DYNC1I1: variants seen among roughly 807,000 people sequenced by gnomAD.
DYNC1I1 encodes the protein dynein cytoplasmic 1 intermediate chain 1, also known as cytoplasmic dynein 1 intermediate chain 1.
In DYNC1I1, 43 loss-of-function variants were observed where a neutral mutation model predicts 86.6. The observed-to-expected ratio is 0.50, with a 90% confidence interval of 0.39 to 0.64. DYNC1I1 has a LOEUF of 0.64. DYNC1I1 is among the 30% of genes least tolerant of loss of function. The probability of loss-of-function intolerance (pLI) is 0.00; values close to 1 mark genes in which losing one functional copy is unlikely to be tolerated. For missense variants in DYNC1I1, 604 were observed against 788.8 expected, an observed-to-expected ratio of 0.77 and a Z score of 2.81; for synonymous variants, 262 against 283.7, an observed-to-expected ratio of 0.92 and a Z score of 0.77.
chr7:96,059,557 A>G (rs1789700856), intron 14 of DYNC1I1, among the ~76,000 whole-genome samples: 1 of 152,192 alleles, frequency 6.6e-6, no homozygotes, highest in Admixed American at 6.5e-5. Context: ...GAATCCATAA[A>G]AAATGAGGAC....
At chr7:95,989,884 G>A (rs149446674) in intron 9 of DYNC1I1, among the ~76,000 whole-genome samples, 6 of 152,230 alleles carry the variant, frequency 3.9e-5, no homozygotes, top group Non-Finnish European at 8.8e-5. Flanking sequence ...CAAAGGACCA[G>A]GATTACATAC....
rs146903621 is a variant in DYNC1I1, at chr7:95,989,817, C to T, written c.843+2662C>T. On this transcript the variant is annotated intron_variant, in intron 9 of 16. Transcript: ENST00000447467. ...TTTGAAAAATGTGTTGTATATGAGG[C>T]GTAAGAAAAAGAGATTAGAACCCTC... Among the ~76,000 whole-genome samples, 8 of 152,194 alleles carry T rather than the reference C, an allele frequency of 5.3e-5. No individual in the cohort carries two copies. The East Asian group carries it at 5.8e-4, about 11-fold the overall frequency.
intron 14 of DYNC1I1, among the ~76,000 whole-genome samples, chr7:96,073,324 G>T (rs1192761234): frequency 6.6e-6 from 1 of 152,074 alleles, no homozygotes; most frequent in Non-Finnish European, 1.5e-5. Context: ...ATAAGAAACT[G>T]GGTTTTGGTA....
intron 1 of DYNC1I1, among the ~76,000 whole-genome samples, chr7:95,779,008 C>T (rs1002221078): frequency 2.6e-5 from 4 of 152,048 alleles, no homozygotes; most frequent in African/African-American, 9.7e-5. Flanking sequence ...GAGCAATTGT[C>T]TTCTCCAGGG....
chr7:95,813,262 C>G lies in DYNC1I1; in HGVS notation c.239C>G (p.Ser80Cys), dbSNP rs990703133. Reference protein sequence around the residue: ...PEPPLVPTPMSPSSKSVSTPS... With the variant: ...PEPPLVPTPMCPSSKSVSTPS... ...CATTATTTAGTCCCAACCCCTATGTCTCCCTCCTCGAAATCAGTGAGCACT... is the reference window on the plus strand; with the variant it reads ...CATTATTTAGTCCCAACCCCTATGTGTCCCTCCTCGAAATCAGTGAGCACT... The change falls in exon 4 of 17, where the codon TCT becomes TGT. Residue 80 changes from serine (S) to cysteine (C), a missense_variant. Transcript: ENST00000447467. 1.9e-6 allele frequency: 3 copies of G among 1,613,092 alleles called. No individual in the cohort carries two copies. Among genetic ancestry groups the G allele is most frequent in the Non-Finnish European group, 2.5e-6 (3 of 1,179,562 alleles).
chr7:96,069,916 C>T (rs188428705), intron 14 of DYNC1I1, among the ~76,000 whole-genome samples: 2 of 152,278 alleles, frequency 1.3e-5, no homozygotes, highest in African/African-American at 4.8e-5. Flanking sequence ...AACCTTCTTT[C>T]AAATTGTTTC....
intron 12 of DYNC1I1, 113 bp from the exon 13 acceptor site, chr7:96,035,506 T>C (rs1794907440): frequency 7.2e-7 from 1 of 1,397,000 alleles, no homozygotes. Flanking sequence ...CGGGGTCTTT[T>C]GTAACGCTGT....
At chr7:96,058,800 ATTTT>A (rs35348142) in intron 14 of DYNC1I1, among the ~76,000 whole-genome samples, 2 of 98,744 alleles carry the variant, frequency 2.0e-5, no homozygotes, top group African/African-American at 4.3e-5. Flanking sequence ...TGCCTGGCTA[ATTTT>A]TTTTTTTTTT....
chr7:95,957,401 C>T (rs992908683), intron 6 of DYNC1I1, among the ~76,000 whole-genome samples: 2 of 152,122 alleles, frequency 1.3e-5, no homozygotes, highest in Non-Finnish European at 2.9e-5. Context: ...AAGTCAATAT[C>T]CCCCTCCCTA....
Position 95,995,966 on chromosome 7 carries a change from G to C in DYNC1I1, c.862G>C (p.Ala288Pro). ...WSLQYPELMV[A>P]SYNNNEDAPH... ...CATTTAGTACCCTGAGCTGATGGTG[G>C]CTTCTTACAACAACAATGAAGATGC... Residue 288 changes from alanine (A) to proline (P), a missense_variant, in exon 10 of 17, where the codon GCT becomes CCT. Transcript: ENST00000447467. 1 of 1,606,528 alleles carries C rather than the reference G, an allele frequency of 6.2e-7. No individual in the cohort carries two copies. The highest frequency in any genetic ancestry group is 2.2e-5 in the East Asian group (1 of 44,838).
At chr7:95,804,339 G>A (rs1205146344) in intron 1 of DYNC1I1, 1 of 1,273,066 alleles carries the variant, frequency 7.9e-7, no homozygotes, top group Non-Finnish European at 1.0e-6. Flanking sequence ...GGGATGAATT[G>A]CTCCATTATC....
chr7:95,960,147 C>A (rs1046032541), intron 6 of DYNC1I1, among the ~76,000 whole-genome samples: 1 of 152,150 alleles, frequency 6.6e-6, no homozygotes, highest in African/African-American at 2.4e-5. Flanking sequence ...GCTCTAGTCA[C>A]CTAGGCTAGA....
intron 1 of DYNC1I1, among the ~76,000 whole-genome samples, chr7:95,773,104 G>A (rs186350291): frequency 1.3e-5 from 2 of 152,324 alleles, no homozygotes; most frequent in African/African-American, 2.4e-5. Context: ...CCCCGGGGGA[G>A]CAGTGGGCGA....
At chr7:95,824,040 G>C (rs1055488358) in intron 4 of DYNC1I1, among the ~76,000 whole-genome samples, 2 of 141,630 alleles carry the variant, frequency 1.4e-5, no homozygotes, top group Admixed American at 7.2e-5. Context: ...ACCCAGGCTG[G>C]AGTGCAGTGG....
At chr7:95,826,716 A>G (rs1795210693) in intron 4 of DYNC1I1, among the ~76,000 whole-genome samples, 1 of 152,188 alleles carries the variant, frequency 6.6e-6, no homozygotes, top group Non-Finnish European at 1.5e-5. Context: ...GAAGAGTGAT[A>G]AGGAAGTGCT....
chr7:96,094,894 A>G (rs971695581), intron 16 of DYNC1I1, among the ~76,000 whole-genome samples: 1 of 152,232 alleles, frequency 6.6e-6, no homozygotes, highest in African/African-American at 2.4e-5. Context: ...GAAAATTAAG[A>G]TACCATGAAA....
Position 95,825,486 on chromosome 7 carries a change from A to G in DYNC1I1, c.315-2571A>G, listed in dbSNP as rs542789819. 3.3e-4 allele frequency among the ~76,000 whole-genome samples: 51 copies of G among 152,332 alleles called. No homozygotes were observed. The South Asian group carries it at 6.4e-3, about 19-fold the overall frequency. On this transcript the variant is annotated intron_variant, in intron 4 of 16. Coordinates refer to ENST00000447467, the MANE Select transcript of DYNC1I1 (RefSeq NM_001135556.2). The stretch of plus-strand genomic sequence containing the variant: ...ATGATCTTAAATTTGACCCCCAGAG[A>G]TATGTGAACAGCAAATATGAATTAC...
chr7:95,983,884 T>C (rs1793517625), intron 7 of DYNC1I1, among the ~76,000 whole-genome samples: 1 of 152,182 alleles, frequency 6.6e-6, no homozygotes, highest in Non-Finnish European at 1.5e-5. Context: ...AGGTTTATTG[T>C]AGGCTCTCTC....
At chr7:96,033,721 AT>A (rs1407624944) in intron 12 of DYNC1I1, among the ~76,000 whole-genome samples, 1 of 152,200 alleles carries the variant, frequency 6.6e-6, no homozygotes, top group African/African-American at 2.4e-5. Context: ...CAAAATGTAC[AT>A]AAGGAGACAG....
Sources: allele counts gnomAD v4.1 joint callset (sites outside exome capture counted in the v4.1 genomes callset), GRCh38; gene constraint gnomAD v4.1.1; transcripts MANE v1.5; gene names NCBI Gene and HGNC (gene_info 2026-07-23, HGNC 2026-07-21).